TUT4: variants seen among roughly 807,000 people sequenced by gnomAD.
TUT4 encodes the protein terminal uridylyltransferase 4.
Under a neutral mutation model 192.2 loss-of-function variants are expected in TUT4, and 36 were observed. That is an observed-to-expected ratio of 0.19 (90% CI 0.14 to 0.25). The LOEUF (loss-of-function observed/expected upper bound fraction) is 0.25. Ranked by LOEUF, TUT4 falls within the 10% of genes least tolerant of loss-of-function variation. TUT4 has a pLI of 1.00. For synonymous variants in TUT4, 618 were observed against 666.0 expected (o/e 0.93, Z 1.11); for missense variants, 1,493 against 1,957.2 (o/e 0.76, Z 4.47).
chr1:52,437,942 G>A (rs1349245911), intron 25 of TUT4, among the ~76,000 whole-genome samples: 3 of 151,632 alleles, frequency 2.0e-5, no homozygotes, highest in Admixed American at 6.6e-5. Flanking sequence ...GCGACAGGGC[G>A]AGATGCCGTC....
At chr1:52,517,261 GA>G (rs1371066443) in intron 2 of TUT4, among the ~76,000 whole-genome samples, 1 of 152,150 alleles carries the variant, frequency 6.6e-6, no homozygotes, top group Non-Finnish European at 1.5e-5. Flanking sequence ...TGATGCTAAT[GA>G]CCGGGGTCTT....
chr1:52,512,501 T>C (rs1425582238), intron 3 of TUT4, among the ~76,000 whole-genome samples: 5 of 152,286 alleles, frequency 3.3e-5, no homozygotes, highest in East Asian at 1.9e-4. Flanking sequence ...ATCCACGCAC[T>C]TGACCACTGT....
chr1:52,462,817 G>T, intron 16 of TUT4: 1 of 985,214 alleles, frequency 1.0e-6, no homozygotes, highest in Non-Finnish European at 1.2e-6. Flanking sequence ...AGCAGAGTTG[G>T]TATGGTAATG....
intron 4 of TUT4, among the ~76,000 whole-genome samples, chr1:52,508,451 TTC>T (rs1676227254): frequency 6.6e-6 from 1 of 152,222 alleles, no homozygotes; most frequent in Non-Finnish European, 1.5e-5. Flanking sequence ...CTTGTCCCTG[TTC>T]TATCTGCTTC....
At chr1:52,541,456 C>T (rs533904617) in intron 1 of TUT4, among the ~76,000 whole-genome samples, 5 of 149,088 alleles carry the variant, frequency 3.4e-5, no homozygotes, top group African/African-American at 1.2e-4. Flanking sequence ...CGCTTGAACC[C>T]AGGAGGCAGA....
chr1:52,472,437 T>G (rs1016636413), intron 13 of TUT4, among the ~76,000 whole-genome samples: 1 of 152,048 alleles, frequency 6.6e-6, no homozygotes, highest in Non-Finnish European at 1.5e-5. Context: ...CTTACTGAGA[T>G]CTAACAAAAT....
intron 20 of TUT4, among the ~76,000 whole-genome samples, chr1:52,450,823 G>A (rs990689881): frequency 3.9e-5 from 6 of 151,986 alleles, no homozygotes; most frequent in African/African-American, 1.4e-4. Flanking sequence ...CTAATCCATG[G>A]GTAAGGAGAG....
intron 25 of TUT4, 119 bp downstream of exon 25, chr1:52,438,101 C>T: frequency 1.4e-6 from 1 of 706,242 alleles, no homozygotes; most frequent in South Asian, 2.1e-5. Flanking sequence ...GAACATTTAC[C>T]TTAGGTATAA....
chr1:52,539,225 A>T (rs577971833), intron 1 of TUT4, among the ~76,000 whole-genome samples: 1 of 152,222 alleles, frequency 6.6e-6, no homozygotes, highest in South Asian at 2.1e-4. Flanking sequence ...TATGAATAGG[A>T]GCTATCAAGG....
chr1:52,431,348 G>A lies in TUT4; in HGVS notation c.4376C>T (p.Pro1459Leu). ...GGGAGGTTGGGCTCCCTGCTGAGGT[G>A]GGCCAAGCTTAGGTTGGGATCCTGG... is the stretch of plus-strand genomic sequence containing the variant. ...SQPGSQPKLG[P>L]PQQGAQPPHQ... is the part of the protein sequence containing the mutation. The change falls in exon 28 of 30, where the codon CCA becomes CTA. Residue 1459 changes from proline to leucine, a missense_variant. This residue lies in a region of TUT4 where 351 missense variants were observed against 397.8 expected (regional missense o/e 0.88). Transcript: ENST00000257177. The A allele has an allele frequency of 6.2e-7, 1 of 1,614,160 alleles. No individual in the cohort carries two copies. The highest frequency in any genetic ancestry group is 8.5e-7 in the Non-Finnish European group (1 of 1,180,030).
chr1:52,463,736 T>C, intron 16 of TUT4: 2 of 1,304,298 alleles, frequency 1.5e-6, no homozygotes, highest in Non-Finnish European at 2.0e-6. Context: ...TCAGTCTTTT[T>C]CTTCCCTGGA....
At chr1:52,520,069 G>C (rs1679832361) in intron 2 of TUT4, among the ~76,000 whole-genome samples, 1 of 152,062 alleles carries the variant, frequency 6.6e-6, no homozygotes. Context: ...TGGACATTTG[G>C]GGAATGAGTG....
intron 3 of TUT4, among the ~76,000 whole-genome samples, chr1:52,512,481 T>G (rs77603362): frequency 0.012 from 1,844 of 152,290 alleles, 50 homozygotes; most frequent in African/African-American, 0.043. Context: ...CTAGACCCAA[T>G]GACTCCAAAA....
intron 2 of TUT4, among the ~76,000 whole-genome samples, chr1:52,524,153 G>A (rs1372667826): frequency 6.6e-6 from 1 of 152,122 alleles, no homozygotes; most frequent in African/African-American, 2.4e-5. Flanking sequence ...ACCAATCCCT[G>A]CTTCCAGTCC....
chr1:52,500,802 G>A (rs566033062), intron 4 of TUT4, among the ~76,000 whole-genome samples: 4 of 152,232 alleles, frequency 2.6e-5, no homozygotes, highest in South Asian at 2.1e-4. Flanking sequence ...CAGGCATGGT[G>A]GCACATGCTT....
intron 1 of TUT4, among the ~76,000 whole-genome samples, chr1:52,547,060 C>T (rs1688258456): frequency 1.3e-5 from 2 of 151,156 alleles, no homozygotes; most frequent in Non-Finnish European, 2.9e-5. Flanking sequence ...AGGAGGATCG[C>T]TTGAGGCCCA....
intron 24 of TUT4, among the ~76,000 whole-genome samples, chr1:52,438,555 C>T (rs1177270574): frequency 6.6e-6 from 1 of 152,174 alleles, no homozygotes; most frequent in Non-Finnish European, 1.5e-5. Context: ...TGACATTACA[C>T]AAAGATGCTA....
rs1472786886 is a variant in TUT4 at position 52,477,811 on chromosome 1, G to A, written c.1920C>T (p.Tyr640=). 6.2e-7 allele frequency: 1 copy of A among 1,614,014 alleles called. No individual in the cohort carries two copies. Among genetic ancestry groups the A allele is most frequent in the Admixed American group, 1.7e-5 (1 of 60,016 alleles). Residue 640 remains tyrosine, a synonymous_variant, in exon 12 of 30, where the codon TAC becomes TAT. Transcript: ENST00000257177. The part of the protein sequence containing the change: ...GQLWLELLKF[Y]TLDFALEEYV... Reference sequence around the variant, plus strand: ...ATTCCTCCAAAGCAAAATCCAGTGTGTAGAATTTAAGCAGCTCTAACCATA... The same window carrying A: ...ATTCCTCCAAAGCAAAATCCAGTGTATAGAATTTAAGCAGCTCTAACCATA...
chr1:52,451,122 C>G (rs983457149), intron 20 of TUT4, among the ~76,000 whole-genome samples: 2 of 151,896 alleles, frequency 1.3e-5, no homozygotes, highest in Non-Finnish European at 2.9e-5. Context: ...AAAAATAAGC[C>G]TGACATGGTG....
Sources: allele counts gnomAD v4.1 joint callset (sites outside exome capture counted in the v4.1 genomes callset), GRCh38; gene constraint gnomAD v4.1.1; regional missense constraint gnomAD v4.1.1; transcripts MANE v1.5; gene names NCBI Gene and HGNC (gene_info 2026-07-23, HGNC 2026-07-21).